IPO8: variants seen among roughly 807,000 people sequenced by gnomAD.
IPO8 encodes importin-8.
IPO8 carries 65 observed loss-of-function variants against 141.2 expected under a neutral mutation model. That is an observed-to-expected ratio of 0.46 (90% CI 0.38 to 0.57). IPO8 has a LOEUF of 0.57. Ranked by LOEUF, IPO8 falls within the 20% of genes least tolerant of loss-of-function variation. The pLI, the probability that IPO8 is intolerant of heterozygous loss-of-function variation, is 0.00. For missense variants in IPO8, 980 were observed against 1,246.8 expected, an observed-to-expected ratio of 0.79 and a Z score of 3.22; for synonymous variants, 411 against 420.3, an observed-to-expected ratio of 0.98 and a Z score of 0.27.
Position 30,680,622 on chromosome 12 carries a change from C to T in IPO8, c.499G>A (p.Glu167Lys). Reference protein sequence around the residue: ...VKTYEYKKAEEREPLIIAMQI... With the variant: ...VKTYEYKKAEKREPLIIAMQI... Reference sequence around the variant, plus strand: ...ATTGCTATTATAAGAGGTTCTCTCTCTTCTGCTTTCTTATATCTACATGAG... The same window carrying T: ...ATTGCTATTATAAGAGGTTCTCTCTTTTCTGCTTTCTTATATCTACATGAG... The change falls in exon 5 of 25, where the codon GAG (glutamate) becomes AAG (lysine). Residue 167 changes from glutamate (E) to lysine (K), a missense_variant. By Grantham distance (56) the Glu-to-Lys change is moderately conservative. Coordinates refer to ENST00000256079, the MANE Select transcript of IPO8 (RefSeq NM_006390.4). 1 of 1,610,084 alleles carries T rather than the reference C, an allele frequency of 6.2e-7. No homozygotes were observed. The highest frequency in any genetic ancestry group is 8.5e-7 in the Non-Finnish European group (1 of 1,178,620).
chr12:30,637,406 T>C (rs1176741479), intron 21 of IPO8, among the ~76,000 whole-genome samples: 1 of 152,210 alleles, frequency 6.6e-6, no homozygotes, highest in Non-Finnish European at 1.5e-5. Context: ...GCAATTAACA[T>C]GGTGAATCTT....
intron 10 of IPO8, among the ~76,000 whole-genome samples, chr12:30,668,118 A>G (rs1340132665): frequency 1.3e-5 from 2 of 152,192 alleles, no homozygotes; most frequent in African/African-American, 4.8e-5. Context: ...AACTAGAAAA[A>G]CAAAGGCATA....
At chr12:30,652,310 C>T in intron 18 of IPO8, 21 bp from the exon 19 acceptor site, 1 of 1,346,746 alleles carries the variant, frequency 7.4e-7, no homozygotes, top group Non-Finnish European at 1.1e-6. Flanking sequence ...ATCAAAATCC[C>T]AATGAGACTT....
At chr12:30,651,381 G>A (rs2052724607) in intron 19 of IPO8, among the ~76,000 whole-genome samples, 1 of 152,098 alleles carries the variant, frequency 6.6e-6, no homozygotes, top group Non-Finnish European at 1.5e-5. Flanking sequence ...GATTATCAGT[G>A]CAGAGCTCTT....
intron 20 of IPO8, among the ~76,000 whole-genome samples, chr12:30,644,084 T>C (rs2052608131): frequency 6.6e-6 from 1 of 152,226 alleles, no homozygotes; most frequent in Admixed American, 6.5e-5. Flanking sequence ...AAGATACCTG[T>C]TGGGGACAGG....
rs1345087440 is a variant in IPO8, at chr12:30,695,748, T to C, written c.-101A>G. On this transcript the variant is annotated 5_prime_UTR_variant, in exon 1 of 25. The change abolishes the stop of an existing upstream ORF in the 5' untranslated region. Transcript: ENST00000256079. This position sits in a 1 kb window ranked among gnomAD's most constrained non-coding sequence, Gnocchi z 4.2. Reference sequence around the variant, plus strand: ...GCCTCCTCTTCCGCGACCCCTGGATTACCTCACACCCCACCCCCCGCCACC... The same window carrying C: ...GCCTCCTCTTCCGCGACCCCTGGATCACCTCACACCCCACCCCCCGCCACC... 14 of 1,074,340 alleles carry C rather than the reference T, an allele frequency of 1.3e-5. 1 individual carries two copies. Among genetic ancestry groups the C allele is most frequent in the Non-Finnish European group, 1.8e-5 (13 of 734,156 alleles). The allele number at this position is 1,074,340 out of a possible 1,614,324, so 66.6% of individuals were successfully genotyped here. A position where few individuals can be genotyped will look rare whatever the true frequency, so the allele number is the denominator to read the frequency against.
chr12:30,656,599 TA>T (rs761387919), intron 17 of IPO8, 84 bp downstream of exon 17: 1 of 713,060 alleles, frequency 1.4e-6, no homozygotes, highest in Non-Finnish European at 2.3e-6. Context: ...TCCATCTTGT[TA>T]AATCTGAAGG....
At chr12:30,684,597 C>A (rs2053221789) in intron 2 of IPO8, 140 bp from the exon 3 acceptor site, 3 of 676,020 alleles carry the variant, frequency 4.4e-6, no homozygotes, top group East Asian at 2.7e-5. Context: ...GTATAAACAG[C>A]CAAATCAGGA....
rs1348058302 is a variant in IPO8, at chr12:30,630,820, A to C, written c.*40T>G. 11 of 1,515,342 alleles carry C rather than the reference A, an allele frequency of 7.3e-6. No individual in the cohort carries two copies. In the Admixed American group the frequency reaches 1.0e-4, roughly 14 times the overall value. The allele number at this position is 1,515,342 out of a possible 1,614,324, so 93.9% of individuals were successfully genotyped here. Reference sequence around the variant, plus strand: ...ACCCTCACACTCCTCTTGTGAAATAAAATGCAGCGATGACATTTGGTCAGC... The same window carrying C: ...ACCCTCACACTCCTCTTGTGAAATACAATGCAGCGATGACATTTGGTCAGC... On this transcript the variant is annotated 3_prime_UTR_variant, in exon 25 of 25. Coordinates refer to ENST00000256079, the MANE Select transcript of IPO8 (RefSeq NM_006390.4).
chr12:30,665,985 A>G, intron 11 of IPO8, 140 bp from the exon 12 acceptor site: 1 of 677,320 alleles, frequency 1.5e-6, no homozygotes, highest in Non-Finnish European at 2.5e-6. Flanking sequence ...TAAGAAAAGT[A>G]TAATTTATTA....
At chr12:30,690,278 G>A (rs2053278910) in intron 2 of IPO8, among the ~76,000 whole-genome samples, 1 of 152,020 alleles carries the variant, frequency 6.6e-6, no homozygotes, top group Admixed American at 6.5e-5. Flanking sequence ...GTAAAAGGGA[G>A]AGGAGGAAAA....
chr12:30,657,103 T>C (rs1300135790), intron 16 of IPO8, among the ~76,000 whole-genome samples: 5 of 151,448 alleles, frequency 3.3e-5, no homozygotes, highest in African/African-American at 1.2e-4. Flanking sequence ...AGCCCAGAAA[T>C]AAGAAATGAA....
At position 30,672,156 on chromosome 12, in the gene IPO8, C is replaced by T. The variant is rs1414846933; in HGVS notation, c.910-1060G>A. ...AACTTTCTTCACTACAGTAAGTTGC[C>T]TTCCAATTCCTGGTCTCCAGAGCTC... On this transcript the variant is annotated intron_variant, in intron 8 of 24. Coordinates refer to ENST00000256079, the MANE Select transcript of IPO8 (RefSeq NM_006390.4). Among the ~76,000 whole-genome samples, 3 of 152,140 alleles carry T rather than the reference C, an allele frequency of 2.0e-5. No individual in the cohort carries two copies. The East Asian group carries it at 5.8e-4, about 29-fold the overall frequency.
chr12:30,662,159 C>T (rs930589462), intron 15 of IPO8, among the ~76,000 whole-genome samples, 168 bp downstream of exon 15: 9 of 152,152 alleles, frequency 5.9e-5, no homozygotes, highest in Non-Finnish European at 1.2e-4. Flanking sequence ...AGTAAAAATA[C>T]GGTATTATAA....
rs1385805359 is a variant in IPO8 at position 30,631,878 on chromosome 12, A to G, written c.3016+17T>C. The G allele has an allele frequency of 6.4e-7, 1 of 1,556,596 alleles. No individual in the cohort carries two copies. Among genetic ancestry groups the G allele is most frequent in the South Asian group, 1.1e-5 (1 of 89,386 alleles). ...CTCTGACACATGCACTCCACTCTGG[A>G]GGTTACTCTGGCTGACCTGCCACCG... On this transcript the variant is annotated intron_variant, in intron 24 of 24. Transcript: ENST00000256079.
At chr12:30,637,912 T>G (rs115435255) in intron 21 of IPO8, among the ~76,000 whole-genome samples, 1,566 of 152,336 alleles carry the variant, frequency 0.01, 25 homozygotes, top group African/African-American at 0.035. Context: ...GTGTTTAAAG[T>G]GCGAATAATA....
chr12:30,694,741 A>C (rs2053320962), intron 1 of IPO8, among the ~76,000 whole-genome samples: 1 of 152,210 alleles, frequency 6.6e-6, no homozygotes, highest in Non-Finnish European at 1.5e-5. Context: ...AACCTAAAAC[A>C]GCTGTTGCTC....
At chr12:30,657,802 T>C (rs981750295) in intron 16 of IPO8, among the ~76,000 whole-genome samples, 2 of 152,138 alleles carry the variant, frequency 1.3e-5, no homozygotes, top group African/African-American at 4.8e-5. Context: ...AAATAAAAAC[T>C]GTGTATAGCA....
rs183079268 is a variant in IPO8, at chr12:30,690,616, A to G, written c.85-39T>C. The G allele has an allele frequency of 2.6e-5, 29 of 1,095,710 alleles. No homozygotes were observed. In the Admixed American group the frequency reaches 2.8e-4, roughly 11 times the overall value. The allele number at this position is 1,095,710 out of a possible 1,614,324, so 67.9% of individuals were successfully genotyped here. On this transcript the variant is annotated intron_variant, in intron 1 of 24. Transcript: ENST00000256079. ...GAAATGTTTTATAAAATAGGGCAAT[A>G]TAAGTGAGTAGCTTATAAGTTAGCA...
Sources: allele counts gnomAD v4.1 joint callset (sites outside exome capture counted in the v4.1 genomes callset), GRCh38; gene constraint gnomAD v4.1.1; non-coding constraint Gnocchi (gnomAD v3.1); transcripts MANE v1.5; gene names NCBI Gene and HGNC (gene_info 2026-07-23, HGNC 2026-07-21).